Variants in GRIP1 observed in about 807,000 individuals in gnomAD.
GRIP1 encodes glutamate receptor interacting protein 1.
Under a neutral mutation model 129.9 loss-of-function variants are expected in GRIP1, and 45 were observed. The observed-to-expected ratio is 0.35, with a 90% CI of 0.27 to 0.44. The LOEUF (loss-of-function observed/expected upper bound fraction) is 0.44. GRIP1 is among the 20% of genes least tolerant of loss of function. The pLI is 1.00. For synonymous variants in GRIP1, 530 were observed against 520.8 expected (o/e 1.02, Z -0.24); for missense variants, 1,196 against 1,396.8 (o/e 0.86, Z 2.29).
intron 1 of GRIP1, among the ~76,000 whole-genome samples, chr12:66,952,148 C>T (rs762967375): frequency 6.6e-6 from 1 of 152,082 alleles, no homozygotes; most frequent in Non-Finnish European, 1.5e-5. Context: ...AAGAAAGAAG[C>T]AACGGGATTG....
At chr12:66,522,156 G>T (rs1370984016) in intron 5 of GRIP1, among the ~76,000 whole-genome samples, 1 of 152,188 alleles carries the variant, frequency 6.6e-6, no homozygotes, top group Non-Finnish European at 1.5e-5. Context: ...GAGAGTAGTG[G>T]TTCTCCCAGC....
At chr12:66,618,784 A>C (rs778837777) in intron 1 of GRIP1, among the ~76,000 whole-genome samples, 1 of 152,136 alleles carries the variant, frequency 6.6e-6, no homozygotes, top group African/African-American at 2.4e-5. Flanking sequence ...CTTGTAAAAC[A>C]ATTAGGAATT....
chr12:66,449,313 T>C (rs2058711678), intron 11 of GRIP1, among the ~76,000 whole-genome samples: 1 of 152,326 alleles, frequency 6.6e-6, no homozygotes. Context: ...CATATTCCTT[T>C]TAGGAAACAA....
intron 1 of GRIP1, among the ~76,000 whole-genome samples, chr12:66,921,436 G>C (rs1466767748): frequency 3.9e-5 from 6 of 152,188 alleles, no homozygotes. Context: ...CCAGACTCTT[G>C]AGCAATTTCT....
At chr12:66,769,938 A>G (rs1644457255) in intron 1 of GRIP1, among the ~76,000 whole-genome samples, 1 of 152,212 alleles carries the variant, frequency 6.6e-6, no homozygotes, top group Non-Finnish European at 1.5e-5. Flanking sequence ...TAATTTAAAA[A>G]TTAGTAACTT....
intron 1 of GRIP1, among the ~76,000 whole-genome samples, chr12:66,690,263 A>G (rs2034934254): frequency 6.6e-6 from 1 of 151,980 alleles, no homozygotes; most frequent in Non-Finnish European, 1.5e-5. Flanking sequence ...AGATCATATA[A>G]TATTGGTCTT....
chr12:66,708,558 G>C (rs7959395), intron 1 of GRIP1, among the ~76,000 whole-genome samples: 21,884 of 151,854 alleles, frequency 0.14, 1,735 homozygotes, highest in Non-Finnish European at 0.17. Flanking sequence ...AGAGAATATA[G>C]ATGAATATGT....
intron 16 of GRIP1, among the ~76,000 whole-genome samples, chr12:66,404,078 A>C (rs1441687299): frequency 1.3e-5 from 2 of 152,236 alleles, no homozygotes; most frequent in Non-Finnish European, 2.9e-5. Flanking sequence ...CTATTTTGAA[A>C]TCAATCCCCA....
chr12:66,771,230 C>T (rs1455846334), intron 1 of GRIP1, among the ~76,000 whole-genome samples: 1 of 152,162 alleles, frequency 6.6e-6, no homozygotes, highest in Non-Finnish European at 1.5e-5. Context: ...TAATCTCCCA[C>T]TTAAATTCAG....
chr12:67,012,286 G>A (rs149118509), intron 1 of GRIP1, among the ~76,000 whole-genome samples: 6 of 152,218 alleles, frequency 3.9e-5, no homozygotes, highest in Non-Finnish European at 8.8e-5. Context: ...AAAGCATTTC[G>A]TAAACCACAA....
At chr12:66,493,767 T>C (rs985133890) in intron 7 of GRIP1, among the ~76,000 whole-genome samples, 4 of 152,212 alleles carry the variant, frequency 2.6e-5, no homozygotes, top group Non-Finnish European at 5.9e-5. Context: ...ACTTTCATTA[T>C]GGAAACTTGA....
chr12:66,851,860 T>C (rs1394541336), intron 1 of GRIP1, among the ~76,000 whole-genome samples: 1 of 152,124 alleles, frequency 6.6e-6, no homozygotes, highest in Non-Finnish European at 1.5e-5. Flanking sequence ...CACCTTTTCT[T>C]TTATCCCAAA....
intron 5 of GRIP1, among the ~76,000 whole-genome samples, chr12:66,528,291 C>G (rs949870297): frequency 1.3e-5 from 2 of 151,912 alleles, no homozygotes; most frequent in African/African-American, 4.8e-5. Context: ...CCTGCCACCA[C>G]GCCCGGCTAA....
At chr12:67,046,328 C>T (rs1324213969) in intron 1 of GRIP1, among the ~76,000 whole-genome samples, 2 of 152,110 alleles carry the variant, frequency 1.3e-5, no homozygotes, top group African/African-American at 2.4e-5. Flanking sequence ...TCTCCATGAT[C>T]AAATCTCAAG....
chr12:66,418,936 G>T (rs2057705656), intron 15 of GRIP1, among the ~76,000 whole-genome samples: 1 of 152,132 alleles, frequency 6.6e-6, no homozygotes, highest in Admixed American at 6.5e-5. Context: ...CAATCCCACT[G>T]CTTGGGTATA....
At chr12:66,959,604 T>C (rs140637735) in intron 1 of GRIP1, among the ~76,000 whole-genome samples, 3,475 of 152,248 alleles carry the variant, frequency 0.023, 61 homozygotes, top group South Asian at 0.053. Flanking sequence ...TCTTGATACA[T>C]TGTAAAGAAA....
At chr12:66,474,925 A>G (rs1295100363) in intron 7 of GRIP1, among the ~76,000 whole-genome samples, 1 of 152,144 alleles carries the variant, frequency 6.6e-6, no homozygotes, top group African/African-American at 2.4e-5. Flanking sequence ...ATCAACTAAC[A>G]AGCAAAATGA....
At chr12:66,925,297 C>A (rs1449500860) in intron 1 of GRIP1, among the ~76,000 whole-genome samples, 1 of 152,184 alleles carries the variant, frequency 6.6e-6, no homozygotes, top group African/African-American at 2.4e-5. Context: ...GGGGTTCAGG[C>A]AGACTGCAAA....
At chr12:66,899,880 C>T (rs1313376447) in intron 1 of GRIP1, among the ~76,000 whole-genome samples, 1 of 152,138 alleles carries the variant, frequency 6.6e-6, no homozygotes, top group Middle Eastern at 3.2e-3. Flanking sequence ...TGAATACATT[C>T]TCCATTCTTG....
Sources: allele counts gnomAD v4.1 joint callset (sites outside exome capture counted in the v4.1 genomes callset), GRCh38; gene constraint gnomAD v4.1.1; transcripts MANE v1.5; gene names NCBI Gene and HGNC (gene_info 2026-07-23, HGNC 2026-07-21).